TENM3: variants seen among roughly 807,000 people sequenced by gnomAD.
The protein encoded by TENM3 is teneurin transmembrane protein 3, also known as teneurin-3.
TENM3 carries 63 observed loss-of-function variants against 255.1 expected under a neutral mutation model. The ratio of observed to expected loss-of-function variants is 0.25; its 90% CI spans 0.20 to 0.30. The LOEUF (loss-of-function observed/expected upper bound fraction) is 0.30, where lower values mean the gene tolerates loss of function less well. Among genes scored for constraint, TENM3 ranks in the 10% least tolerant of loss-of-function variants. The pLI, the probability that TENM3 is intolerant of heterozygous loss-of-function variation, is 1.00. For missense variants in TENM3, 2,929 were observed against 3,461.1 expected (o/e 0.85, Z 3.86); for synonymous variants, 1,306 against 1,322.3 (o/e 0.99, Z 0.27).
chr4:181,993,573 T>G, the TENM3 span, among the ~76,000 whole-genome samples: 2 of 152,292 alleles, frequency 1.3e-5, no homozygotes, highest in African/African-American at 4.8e-5. Context: ...TTGTGACTCC[T>G]CAAAGCATTC....
the TENM3 span, among the ~76,000 whole-genome samples, chr4:181,711,207 C>T: frequency 6.6e-6 from 1 of 152,128 alleles, no homozygotes; most frequent in Non-Finnish European, 1.5e-5. Flanking sequence ...TGCACAAGAA[C>T]TAATATAAAT....
the TENM3 span, among the ~76,000 whole-genome samples, chr4:181,605,572 G>GAAAGAAAGAA: frequency 6.5e-4 from 13 of 20,052 alleles, no homozygotes; most frequent in African/African-American, 9.5e-4. Flanking sequence ...GAAAGAAAGA[G>GAAAGAAAGAA]AGAGAAAGAA....
intron 3 of TENM3, among the ~76,000 whole-genome samples, chr4:182,522,872 C>T (rs1738731349): frequency 6.6e-6 from 1 of 152,144 alleles, no homozygotes; most frequent in African/African-American, 2.4e-5. Flanking sequence ...AGGAACCTTC[C>T]TACTGTTTTC....
chr4:182,679,930 T>G (rs1756006225), intron 8 of TENM3, 54 bp downstream of exon 8: 1 of 1,468,344 alleles, frequency 6.8e-7, no homozygotes. Flanking sequence ...AACGCCGTGT[T>G]TAATAAAAAC....
the TENM3 span, among the ~76,000 whole-genome samples, chr4:181,791,066 G>A: frequency 3.9e-5 from 6 of 152,184 alleles, no homozygotes; most frequent in African/African-American, 1.4e-4. Context: ...CCCTCAGAAA[G>A]GAGTGAACCA....
chr4:182,673,148 A>G lies in TENM3; in HGVS notation c.1255A>G (p.Asn419Asp), dbSNP rs1406059629. The G allele has an allele frequency of 6.2e-7, 1 of 1,613,870 alleles. No homozygotes were observed. The highest frequency in any genetic ancestry group is 1.7e-5 in the Admixed American group (1 of 60,024). Reference sequence around the variant, plus strand: ...TGATCAGCCACAGTTTCTTAAATTCAATATCTCTCTTCAGAAGGATGCATT... The same window carrying G: ...TGATCAGCCACAGTTTCTTAAATTCGATATCTCTCTTCAGAAGGATGCATT... ...FIDQPQFLKF[N>D]ISLQKDALIG... is the part of the protein sequence containing the mutation. The change falls in exon 7 of 28, where the codon AAT (asparagine) becomes GAT (aspartate). Residue 419 changes from asparagine to aspartate, a missense_variant. Physicochemically the swap from Asn to Asp is conservative, Grantham distance 23 (BLOSUM62 1). Around this residue, in one of 6 missense-constraint regions of TENM3, gnomAD observed 1,608 missense variants for 1,884.4 expected, o/e 0.85. Coordinates refer to ENST00000511685, the MANE Select transcript of TENM3 (RefSeq NM_001080477.4).
chr4:182,775,532 C>G (rs1764622252), intron 24 of TENM3, among the ~76,000 whole-genome samples: 1 of 152,174 alleles, frequency 6.6e-6, no homozygotes, highest in Admixed American at 6.5e-5. Flanking sequence ...GACACTGCCG[C>G]CACCTGCATC....
At chr4:182,421,297 G>GT (rs1652616501) in intron 3 of TENM3, among the ~76,000 whole-genome samples, 1 of 152,062 alleles carries the variant, frequency 6.6e-6, no homozygotes, top group South Asian at 2.1e-4. Context: ...TATCTCCAAA[G>GT]TAAGTGAGGG....
At chr4:181,707,263 G>A in the TENM3 span, among the ~76,000 whole-genome samples, 36 of 152,242 alleles carry the variant, frequency 2.4e-4, no homozygotes, top group Middle Eastern at 0.014. Flanking sequence ...ATGGAAGGCT[G>A]CTTTGTACTT....
At chr4:182,466,598 C>T (rs1732617478) in intron 3 of TENM3, among the ~76,000 whole-genome samples, 2 of 152,100 alleles carry the variant, frequency 1.3e-5, no homozygotes, top group African/African-American at 4.8e-5. Context: ...TCCCAAAGTG[C>T]TGGGATTACA....
intron 3 of TENM3, among the ~76,000 whole-genome samples, chr4:182,487,549 T>G (rs1734879559): frequency 6.6e-6 from 1 of 152,078 alleles, no homozygotes. Flanking sequence ...TGAAAATAAT[T>G]TTGATGGGCC....
chr4:182,578,037 C>T (rs1014439751), intron 3 of TENM3, among the ~76,000 whole-genome samples: 31 of 151,212 alleles, frequency 2.1e-4, no homozygotes, highest in Non-Finnish European at 3.1e-4. Context: ...AGTGCAATGG[C>T]GCAATCTCCA....
chr4:181,496,357 TG>T, the TENM3 span, among the ~76,000 whole-genome samples: 2 of 152,234 alleles, frequency 1.3e-5, no homozygotes, highest in African/African-American at 4.8e-5. Flanking sequence ...ATTTCTTCAC[TG>T]TTCATCCATG....
rs1419258014 is a variant in TENM3 at position 182,604,575 on chromosome 4, C to G, written c.749+3414C>G. On this transcript the variant is annotated intron_variant, in intron 4 of 27. Transcript: ENST00000511685. ...GAATTGGCCCAGTACAGCAGCAGCA[C>G]TTAAAGGTATGGTACAGTAACTCTC... Among the ~76,000 whole-genome samples, 10 of 152,292 alleles carry G rather than the reference C, an allele frequency of 6.6e-5. No homozygotes were observed. The East Asian group carries it at 1.7e-3, about 26-fold the overall frequency.
chr4:182,269,898 A>G (rs965045827), intron 1 of TENM3, among the ~76,000 whole-genome samples: 1 of 152,174 alleles, frequency 6.6e-6, no homozygotes, highest in Non-Finnish European at 1.5e-5. Context: ...AGACAGGGGT[A>G]ACAGGCAAAG....
At chr4:182,070,268 G>C in the TENM3 span, among the ~76,000 whole-genome samples, 5 of 152,150 alleles carry the variant, frequency 3.3e-5, no homozygotes, top group Admixed American at 2.0e-4. Flanking sequence ...TTTTTGCATA[G>C]TTCCGCAGCC....
chr4:182,422,816 A>G (rs767010073), intron 3 of TENM3, among the ~76,000 whole-genome samples: 21 of 152,342 alleles, frequency 1.4e-4, no homozygotes, highest in Admixed American at 3.3e-4. Flanking sequence ...TAAGCATGCC[A>G]CATGTATATT....
chr4:181,982,952 A>G, the TENM3 span, among the ~76,000 whole-genome samples: 2 of 152,132 alleles, frequency 1.3e-5, no homozygotes, highest in African/African-American at 4.8e-5. Flanking sequence ...GATAGGGTTG[A>G]GGTGATACCA....
the TENM3 span, among the ~76,000 whole-genome samples, chr4:181,823,789 A>G: frequency 6.6e-6 from 1 of 152,168 alleles, no homozygotes; most frequent in Non-Finnish European, 1.5e-5. Context: ...CACTGAAGGA[A>G]ACTATTGCTT....
Sources: allele counts gnomAD v4.1 joint callset (sites outside exome capture counted in the v4.1 genomes callset), GRCh38; gene constraint gnomAD v4.1.1; regional missense constraint gnomAD v4.1.1; transcripts MANE v1.5; gene names NCBI Gene and HGNC (gene_info 2026-07-23, HGNC 2026-07-21).